STK32B: variants seen among roughly 807,000 people sequenced by gnomAD.
The protein encoded by STK32B is serine/threonine-protein kinase 32B.
A neutral mutation model predicts 52.6 loss-of-function variants in STK32B; 43 were observed. The ratio of observed to expected loss-of-function variants is 0.82; its 90% CI spans 0.64 to 1.05. The LOEUF (loss-of-function observed/expected upper bound fraction) is 1.05, where lower values mean the gene tolerates loss of function less well. Ranked by LOEUF, STK32B falls within the 50% of genes least tolerant of loss-of-function variation. The pLI is 0.00. For synonymous variants in STK32B, 238 were observed against 204.3 expected (o/e 1.17, Z -1.41); for missense variants, 621 against 534.6 (o/e 1.16, Z -1.59).
rs542270540 is a variant in STK32B, at chr4:5,060,116, G to A, written c.52+8201G>A. ...CGAGTAGCTGGGATTACAGGCATGTGCCCCTACGCCCGGCTAATTTTGTAT... is the reference window on the plus strand; with the variant it reads ...CGAGTAGCTGGGATTACAGGCATGTACCCCTACGCCCGGCTAATTTTGTAT... On this transcript the variant is annotated intron_variant, in intron 1 of 11. Coordinates refer to ENST00000282908, the MANE Select transcript of STK32B (RefSeq NM_018401.3). Among the ~76,000 whole-genome samples the A allele has an allele frequency of 9.9e-5, 15 of 152,256 alleles. 1 individual carries two copies. In the Middle Eastern group the frequency reaches 0.014, roughly 138 times the overall value.
chr4:5,343,219 A>G lies in STK32B; in HGVS notation c.434+11826A>G, dbSNP rs535316109. On this transcript the variant is annotated intron_variant, in intron 4 of 11. Coordinates refer to ENST00000282908, the MANE Select transcript of STK32B (RefSeq NM_018401.3). Reference sequence around the variant, plus strand: ...GTGGTGTTTGGTTTTTTGTCCTTGCAATAGTTTGCTGAGAATGATGGTTTC... The same window carrying G: ...GTGGTGTTTGGTTTTTTGTCCTTGCGATAGTTTGCTGAGAATGATGGTTTC... 3.2e-4 allele frequency among the ~76,000 whole-genome samples: 49 copies of G among 151,042 alleles called. No individual in the cohort carries two copies. The East Asian group carries it at 9.6e-3, about 30-fold the overall frequency.
At chr4:5,220,023 G>A (rs530845151) in intron 3 of STK32B, among the ~76,000 whole-genome samples, 4 of 152,254 alleles carry the variant, frequency 2.6e-5, no homozygotes, top group Admixed American at 2.0e-4. Flanking sequence ...AAGGCTGTGG[G>A]CACGTTCAAT....
chr4:5,256,290 A>T (rs2108838810), intron 3 of STK32B, among the ~76,000 whole-genome samples: 1 of 152,314 alleles, frequency 6.6e-6, no homozygotes, highest in Admixed American at 6.5e-5. Context: ...TAGATGTGTG[A>T]CATTTACTTC....
At chr4:5,174,762 A>G (rs949178565) in intron 3 of STK32B, among the ~76,000 whole-genome samples, 12 of 144,372 alleles carry the variant, frequency 8.3e-5, no homozygotes, top group Admixed American at 8.1e-4. Flanking sequence ...ACTTTGGTGA[A>G]TCTGACAATT....
rs1223222104 is a variant in STK32B at position 5,398,790 on chromosome 4, A to G, written c.472+546A>G. On this transcript the variant is annotated intron_variant, in intron 5 of 11. Transcript: ENST00000282908. This position sits in a 1 kb window ranked among gnomAD's most constrained non-coding sequence, Gnocchi z 4.9. ...ACAGATCTCCTAGGCATCTTCTCAAACTGATTTAGTAAGTCTGAGATGGGA... is the reference window on the plus strand; with the variant it reads ...ACAGATCTCCTAGGCATCTTCTCAAGCTGATTTAGTAAGTCTGAGATGGGA... Among the ~76,000 whole-genome samples, 1 of 151,258 alleles carries G rather than the reference A, an allele frequency of 6.6e-6. No homozygotes were observed. The highest frequency in any genetic ancestry group is 2.5e-5 in the African/African-American group (1 of 40,746).
intron 1 of STK32B, among the ~76,000 whole-genome samples, chr4:5,065,682 A>G (rs1261410280): frequency 6.6e-6 from 1 of 152,186 alleles, no homozygotes; most frequent in Non-Finnish European, 1.5e-5. Flanking sequence ...CTGAGAGTCA[A>G]TAAATTAATA....
chr4:5,460,412 C>T lies in STK32B; in HGVS notation c.909+184C>T, dbSNP rs1716941587. 6.6e-6 allele frequency among the ~76,000 whole-genome samples: 1 copy of T among 152,216 alleles called. No individual in the cohort carries two copies. Among genetic ancestry groups the T allele is most frequent in the African/African-American group, 2.4e-5 (1 of 41,464 alleles). On this transcript the variant is annotated intron_variant, in intron 9 of 11. Coordinates refer to ENST00000282908, the MANE Select transcript of STK32B (RefSeq NM_018401.3). The surrounding 1 kb of genome is among the most constrained non-coding windows in gnomAD (Gnocchi z 4.8). ...CCTGATTTCCAGGGTCCCAGCCGTACAGCTTCCCTCCTTGTGGTAGGTCCT... is the reference window on the plus strand; with the variant it reads ...CCTGATTTCCAGGGTCCCAGCCGTATAGCTTCCCTCCTTGTGGTAGGTCCT...
In STK32B at chr4:5,358,701, G is replaced by GCACA. The variant is rs59614605; in HGVS notation, c.434+27327_434+27330dup. Among the ~76,000 whole-genome samples, 157 of 106,808 alleles carry GCACA rather than the reference G, an allele frequency of 1.5e-3. 1 individual carries two copies. Among genetic ancestry groups the GCACA allele is most frequent in the African/African-American group, 5.6e-3 (137 of 24,596 alleles). 70.1% of individuals were successfully genotyped at this position (106,808 alleles called of 152,430 possible). On this transcript the variant is annotated intron_variant, in intron 4 of 11. Coordinates refer to ENST00000282908, the MANE Select transcript of STK32B (RefSeq NM_018401.3). ...CATGCCAGGACACATTCACACACAT[G>GCACA]CACACACACACACACACACACAGGC...
At chr4:5,388,932 G>C (rs1430043746) in intron 4 of STK32B, among the ~76,000 whole-genome samples, 1 of 152,140 alleles carries the variant, frequency 6.6e-6, no homozygotes, top group Non-Finnish European at 1.5e-5. Context: ...AGGCCCCATG[G>C]AGTGGCACAG....
intron 1 of STK32B, among the ~76,000 whole-genome samples, chr4:5,100,792 A>T (rs201104369): frequency 3.4e-5 from 3 of 89,426 alleles, no homozygotes; most frequent in Admixed American, 1.4e-4. Context: ...TCCTTCCTTT[A>T]TTCCTTCCCC....
At chr4:5,106,778 A>C (rs1052117149) in intron 1 of STK32B, among the ~76,000 whole-genome samples, 3 of 151,034 alleles carry the variant, frequency 2.0e-5, no homozygotes, top group African/African-American at 2.4e-5. Flanking sequence ...GTAGATGGCC[A>C]ATTGTCCTGA....
At chr4:5,446,336 CGGGCAGATCACCTGA>C (rs1474647706) in intron 6 of STK32B, among the ~76,000 whole-genome samples, 1 of 152,076 alleles carries the variant, frequency 6.6e-6, no homozygotes, top group Non-Finnish European at 1.5e-5. Context: ...GAGGCTGAGG[CGGGCAGATCACCTGA>C]GGCCAAGAGT....
chr4:5,127,403 A>T (rs750519), intron 1 of STK32B, among the ~76,000 whole-genome samples: 146,714 of 152,226 alleles, frequency 0.96, 70,915 homozygotes, highest in East Asian at 1. Context: ...GAATTGACAG[A>T]ATTAATTGCC....
chr4:5,069,915 C>T (rs531489998), intron 1 of STK32B, among the ~76,000 whole-genome samples: 2 of 152,266 alleles, frequency 1.3e-5, no homozygotes, highest in Admixed American at 1.3e-4. Context: ...TGGGGATGCA[C>T]TCTGACATGG....
At chr4:5,262,529 G>C (rs1726780649) in intron 3 of STK32B, among the ~76,000 whole-genome samples, 1 of 151,756 alleles carries the variant, frequency 6.6e-6, no homozygotes, top group Admixed American at 6.6e-5. Flanking sequence ...GGAGGCTGCG[G>C]CAGGAGAATG....
chr4:5,185,525 G>A (rs1720676409), intron 3 of STK32B, among the ~76,000 whole-genome samples: 1 of 152,214 alleles, frequency 6.6e-6, no homozygotes, highest in Non-Finnish European at 1.5e-5. Flanking sequence ...GGCTGAAGTA[G>A]TGGAGGGCAG....
At chr4:5,290,053 T>C (rs541160287) in intron 3 of STK32B, among the ~76,000 whole-genome samples, 1 of 152,220 alleles carries the variant, frequency 6.6e-6, no homozygotes, top group East Asian at 1.9e-4. Context: ...TGTTGTTCCC[T>C]TCTTTGTGTT....
At chr4:5,152,346 G>T (rs189611299) in intron 2 of STK32B, among the ~76,000 whole-genome samples, 121 of 152,276 alleles carry the variant, frequency 7.9e-4, no homozygotes, top group African/African-American at 2.8e-3. Flanking sequence ...CTTGTATTTT[G>T]CAACCTGGAC....
At chr4:5,353,865 C>T (rs1734004877) in intron 4 of STK32B, among the ~76,000 whole-genome samples, 1 of 152,140 alleles carries the variant, frequency 6.6e-6, no homozygotes, top group African/African-American at 2.4e-5. Context: ...CCATCTGATC[C>T]AGGAATCCCA....
Sources: allele counts gnomAD v4.1 joint callset (sites outside exome capture counted in the v4.1 genomes callset), GRCh38; gene constraint gnomAD v4.1.1; non-coding constraint Gnocchi (gnomAD v3.1); transcripts MANE v1.5; gene names NCBI Gene and HGNC (gene_info 2026-07-23, HGNC 2026-07-21).